Variants in TMEM94 observed in about 807,000 individuals in gnomAD.
TMEM94 encodes ER Mg2+ ATPase.
In TMEM94, 81 loss-of-function variants were observed where a neutral mutation model predicts 158.6. The observed-to-expected ratio is 0.51, with a 90% CI of 0.43 to 0.61. The LOEUF is 0.61. Ranked by LOEUF, TMEM94 falls within the 20% of genes least tolerant of loss-of-function variation. The probability of loss-of-function intolerance (pLI) is 0.00; values close to 1 mark genes in which losing one functional copy is unlikely to be tolerated. For synonymous variants in TMEM94, 751 were observed against 730.7 expected (o/e 1.03, Z -0.45); for missense variants, 1,435 against 1,762.0 (o/e 0.81, Z 3.32).
At position 75,495,191 on chromosome 17, in the gene TMEM94, A is replaced by G; in HGVS notation, c.2729-93A>G. 1 of 1,396,586 alleles carries G rather than the reference A, an allele frequency of 7.2e-7. No individual in the cohort carries two copies. The highest frequency in any genetic ancestry group is 9.8e-7 in the Non-Finnish European group (1 of 1,022,432). 86.5% of individuals were successfully genotyped at this position (1,396,586 alleles called of 1,614,324 possible). ...CTGCGGGAAACAGTAGTCAGCAGGA[A>G]GGAGTGGACACAGGCAAAAAATTCT... On this transcript the variant is annotated intron_variant, in intron 20 of 31. Coordinates refer to ENST00000314256, the MANE Select transcript of TMEM94 (RefSeq NM_014738.6). This position sits in a 1 kb window ranked among gnomAD's most constrained non-coding sequence, Gnocchi z 5.6.
chr17:75,478,837 T>G (rs567672596), intron 2 of TMEM94, among the ~76,000 whole-genome samples: 123 of 152,222 alleles, frequency 8.1e-4, no homozygotes, highest in African/African-American at 2.9e-3. Flanking sequence ...TGGTGGGAGT[T>G]TCTAGCATGT....
chr17:75,470,600 G>A (rs1469403971), intron 1 of TMEM94, among the ~76,000 whole-genome samples: 1 of 152,058 alleles, frequency 6.6e-6, no homozygotes, highest in Admixed American at 6.6e-5. Flanking sequence ...AGCTACACAG[G>A]AGGCTGAGGC....
Position 75,492,075 on chromosome 17 carries a change from G to A in TMEM94, c.1596+175G>A. The A allele has an allele frequency of 1.3e-6, 1 of 787,730 alleles. No homozygotes were observed. The highest frequency in any genetic ancestry group is 2.0e-6 in the Non-Finnish European group (1 of 500,874). The allele number at this position is 787,730 out of a possible 1,614,324, so 48.8% of individuals were successfully genotyped here. On this transcript the variant is annotated intron_variant, in intron 14 of 31. Coordinates refer to ENST00000314256, the MANE Select transcript of TMEM94 (RefSeq NM_014738.6). The surrounding 1 kb of genome is among the most constrained non-coding windows in gnomAD (Gnocchi z 4.4). ...CCCTCCCCAAGTCTGCTGCGAAGTA[G>A]GTGGAGCCTCCCCCTACCCTTCCAT...
rs768836617 is a variant in TMEM94, at chr17:75,492,449, A to G, written c.1597-25A>G. 1 of 1,555,906 alleles carries G rather than the reference A, an allele frequency of 6.4e-7. No homozygotes were observed. Among genetic ancestry groups the G allele is most frequent in the Non-Finnish European group, 8.7e-7 (1 of 1,147,396 alleles). On this transcript the variant is annotated intron_variant, in intron 14 of 31. Coordinates refer to ENST00000314256, the MANE Select transcript of TMEM94 (RefSeq NM_014738.6). The surrounding 1 kb of genome is among the most constrained non-coding windows in gnomAD (Gnocchi z 4.4). ...CTTCCCCACACCCTATCCCGGGCTGAGGCTCTCCTCCACATTTCCCCCAGA... is the reference window on the plus strand; with the variant it reads ...CTTCCCCACACCCTATCCCGGGCTGGGGCTCTCCTCCACATTTCCCCCAGA...
chr17:75,493,975 C>T, intron 18 of TMEM94, 59 bp downstream of exon 18: 2 of 1,538,922 alleles, frequency 1.3e-6, no homozygotes, highest in Non-Finnish European at 1.8e-6. Flanking sequence ...CTGCCGAAGC[C>T]CAGGAGCAGG....
Position 75,493,769 on chromosome 17 carries a change from A to T in TMEM94, c.2260A>T (p.Met754Leu). ...GYCSAFAYKPMNCALSSQLNG... is the reference protein window; with the variant it reads ...GYCSAFAYKPLNCALSSQLNG... ...TTGCTCTGCCTTCGCCTACAAGCCC[A>T]TGAACTGCGCCCTGTCCTCTCAGCT... The change falls in exon 18 of 32, where the codon ATG (methionine) becomes TTG (leucine). Residue 754 changes from methionine to leucine, a missense_variant. Coordinates refer to ENST00000314256, the MANE Select transcript of TMEM94 (RefSeq NM_014738.6). 6.2e-7 allele frequency: 1 copy of T among 1,614,066 alleles called. No individual in the cohort carries two copies. The highest frequency in any genetic ancestry group is 1.1e-5 in the South Asian group (1 of 91,078).
rs1325662081 is a variant in TMEM94, at chr17:75,498,942, G to C, written c.3858G>C (p.Val1286=). The C allele has an allele frequency of 2.5e-6, 4 of 1,570,348 alleles. No individual in the cohort carries two copies. Among genetic ancestry groups the C allele is most frequent in the Admixed American group, 1.8e-5 (1 of 56,868 alleles). ...VLLGQVVQTA[V]DLQLWTHRDS... is the part of the protein sequence containing the mutation. ...TGGGTCAGGTGGTCCAGACGGCTGT[G>C]GACCTGCAGCTGTGGACACACAGGG... The change falls in exon 31 of 32, where the codon GTG becomes GTC. Residue 1286 remains valine (V), a synonymous_variant. Transcript: ENST00000314256. This position sits in a 1 kb window ranked among gnomAD's most constrained non-coding sequence, Gnocchi z 6.7.
At chr17:75,479,004 C>T (rs1012749844) in intron 2 of TMEM94, among the ~76,000 whole-genome samples, 6 of 152,212 alleles carry the variant, frequency 3.9e-5, no homozygotes, top group African/African-American at 1.4e-4. Flanking sequence ...TGCGCCTGTT[C>T]CCTCGCTATG....
At position 75,494,655 on chromosome 17, in the gene TMEM94, A is replaced by G; in HGVS notation, c.2436A>G (p.Glu812=). The change falls in exon 19 of 32, where the codon GAA becomes GAG. Residue 812 remains glutamate, a synonymous_variant. Coordinates refer to ENST00000314256, the MANE Select transcript of TMEM94 (RefSeq NM_014738.6). ...GGATCGGGGAGGTGCTGGAGAAGGA[A>G]GACTGCATGCAGGCCCTGAGCGGCC... The part of the protein sequence containing the change: ...DEGIGEVLEK[E]DCMQALSGQI... 1 of 1,613,648 alleles carries G rather than the reference A, an allele frequency of 6.2e-7. No individual in the cohort carries two copies. The highest frequency in any genetic ancestry group is 8.5e-7 in the Non-Finnish European group (1 of 1,180,020).
chr17:75,491,423 G>A lies in TMEM94; in HGVS notation c.1354G>A (p.Gly452Ser), dbSNP rs1308603745. The A allele has an allele frequency of 6.2e-7, 1 of 1,614,012 alleles. No individual in the cohort carries two copies. Among genetic ancestry groups the A allele is most frequent in the Non-Finnish European group, 8.5e-7 (1 of 1,180,038 alleles). The stretch of plus-strand genomic sequence containing the variant: ...CAGCAGCCATGAGGACCTCACCGAT[G>A]GCCTATCCACCCGCTCCTTCTGCCA... Reference protein sequence around the residue: ...PHSSHEDLTDGLSTRSFCHPE... With the variant: ...PHSSHEDLTDSLSTRSFCHPE... The change falls in exon 13 of 32, where the codon GGC becomes AGC. Residue 452 changes from glycine (G) to serine (S), a missense_variant. Around this residue, in one of 3 missense-constraint regions of TMEM94, gnomAD observed 1,051 missense variants for 1,254.4 expected, o/e 0.84. Coordinates refer to ENST00000314256, the MANE Select transcript of TMEM94 (RefSeq NM_014738.6). The surrounding 1 kb of genome is among the most constrained non-coding windows in gnomAD (Gnocchi z 5.1).
In TMEM94 at chr17:75,493,180, A is replaced by G. The variant is rs921645918; in HGVS notation, c.2086+78A>G. The stretch of plus-strand genomic sequence containing the variant: ...AGGGGGGCTCTGCCCAGCCCCACCC[A>G]TTGCTAGGGAGGCCTGGGCAGATGA... On this transcript the variant is annotated intron_variant, in intron 16 of 31. Coordinates refer to ENST00000314256, the MANE Select transcript of TMEM94 (RefSeq NM_014738.6). 2.8e-6 allele frequency: 4 copies of G among 1,445,040 alleles called. No individual in the cohort carries two copies. The Admixed American group carries it at 6.2e-5, about 22-fold the overall frequency. The allele number at this position is 1,445,040 out of a possible 1,614,324, so 89.5% of individuals were successfully genotyped here.
chr17:75,478,617 A>G (rs1382522929), intron 2 of TMEM94, among the ~76,000 whole-genome samples: 2 of 152,210 alleles, frequency 1.3e-5, no homozygotes, highest in East Asian at 3.9e-4. Flanking sequence ...ACGCCCTGCC[A>G]GCGTCCCTCT....
chr17:75,461,659 C>T (rs2050071881), intron 1 of TMEM94, among the ~76,000 whole-genome samples: 1 of 152,054 alleles, frequency 6.6e-6, no homozygotes. Context: ...CGCAGTGGCT[C>T]ACGCCTGTAA....
chr17:75,472,908 C>T (rs1330462174), intron 2 of TMEM94, among the ~76,000 whole-genome samples: 1 of 152,194 alleles, frequency 6.6e-6, no homozygotes, highest in East Asian at 1.9e-4. Context: ...TTAAGTCCTC[C>T]TTCCTTCCAG....
intron 31 of TMEM94, 79 bp downstream of exon 31, chr17:75,499,161 A>G: frequency 1.3e-6 from 2 of 1,586,738 alleles, no homozygotes; most frequent in Non-Finnish European, 1.7e-6. Context: ...ACACTCCCCC[A>G]CCTTTCCGCT....
At chr17:75,496,924 G>A (rs2052752312) in intron 25 of TMEM94, 117 bp downstream of exon 25, 3 of 1,185,466 alleles carry the variant, frequency 2.5e-6, no homozygotes, top group Non-Finnish European at 3.7e-6. Flanking sequence ...GGTCCCCCCA[G>A]AGCCTCTGTG....
chr17:75,457,900 T>C (rs546414807), intron 1 of TMEM94, among the ~76,000 whole-genome samples: 1 of 152,226 alleles, frequency 6.6e-6, no homozygotes, highest in East Asian at 1.9e-4. Context: ...CTGACTCCCC[T>C]GAGCTCTTGC....
At chr17:75,457,969 C>T (rs2049945795) in intron 1 of TMEM94, among the ~76,000 whole-genome samples, 1 of 152,134 alleles carries the variant, frequency 6.6e-6, no homozygotes, top group Non-Finnish European at 1.5e-5. Flanking sequence ...CCTATGCTTC[C>T]TGGCAATGAC....
In TMEM94 at chr17:75,491,220, C is replaced by T. The variant is rs2052150026; in HGVS notation, c.1233+67C>T. ...GCCCTGCTCTCTGGCTGGGCCTGGGCTGCCCACCTGCCGCTTGAGTGGCCC... is the reference window on the plus strand; with the variant it reads ...GCCCTGCTCTCTGGCTGGGCCTGGGTTGCCCACCTGCCGCTTGAGTGGCCC... On this transcript the variant is annotated intron_variant, in intron 12 of 31. Coordinates refer to ENST00000314256, the MANE Select transcript of TMEM94 (RefSeq NM_014738.6). This position sits in a 1 kb window ranked among gnomAD's most constrained non-coding sequence, Gnocchi z 5.1. The T allele has an allele frequency of 3.1e-6, 5 of 1,597,174 alleles. No homozygotes were observed. The South Asian group carries it at 5.6e-5, about 18-fold the overall frequency.
Sources: allele counts gnomAD v4.1 joint callset (sites outside exome capture counted in the v4.1 genomes callset), GRCh38; gene constraint gnomAD v4.1.1; regional missense constraint gnomAD v4.1.1; non-coding constraint Gnocchi (gnomAD v3.1); transcripts MANE v1.5; gene names NCBI Gene and HGNC (gene_info 2026-07-23, HGNC 2026-07-21).